The following USP35 variants were observed in gnomAD, a reference collection of about 807,000 sequenced individuals.
USP35 encodes the protein ubiquitin specific peptidase 35, also known as ubiquitin carboxyl-terminal hydrolase 35.
USP35 carries 69 observed loss-of-function variants against 83.8 expected under a neutral mutation model. The observed-to-expected ratio is 0.82, with a 90% CI of 0.68 to 1.01. The LOEUF (loss-of-function observed/expected upper bound fraction) is 1.01, where lower values mean the gene tolerates loss of function less well. Ranked by LOEUF, USP35 falls within the 50% of genes least tolerant of loss-of-function variation. The pLI is 0.00. For missense variants in USP35, 1,503 were observed against 1,362.5 expected, an observed-to-expected ratio of 1.10 and a Z score of -1.62; for synonymous variants, 714 against 589.5, an observed-to-expected ratio of 1.21 and a Z score of -3.06.
At chr11:78,231,372 G>GTGTGTGTGT in the USP35 span, among the ~76,000 whole-genome samples, 1 of 84,572 alleles carries the variant, frequency 1.2e-5, no homozygotes, top group Non-Finnish European at 2.8e-5. Context: ...TGTGTGTGTC[G>GTGTGTGTGT]GAGTCTCATT....
At chr11:78,227,136 A>G in the USP35 span, 1 of 930,670 alleles carries the variant, frequency 1.1e-6, no homozygotes, top group Non-Finnish European at 1.7e-6. Context: ...CTCTTTCTAT[A>G]CTTTGGTTTA....
At chr11:78,227,973 G>A in the USP35 span, among the ~76,000 whole-genome samples, 1 of 152,260 alleles carries the variant, frequency 6.6e-6, no homozygotes, top group South Asian at 2.1e-4. Flanking sequence ...ACTATATATA[G>A]AAAAAGTTTT....
chr11:78,218,872 C>T (rs954292223), downstream of USP35: 10 of 167,108 alleles, frequency 6.0e-5, no homozygotes, highest in South Asian at 3.8e-4. Flanking sequence ...GCCCAGTGGC[C>T]GGAGGGAAGA....
At position 78,214,446 on chromosome 11, in the gene USP35, G is replaced by C. The variant is rs1293192948; in HGVS notation, c.*633G>C. ...TTGCCCCCACAGCCCCTCCACGCCT[G>C]CCTCAGGGCCTGAGAAGCCACCACT... is the stretch of plus-strand genomic sequence containing the variant. On this transcript the variant is annotated 3_prime_UTR_variant, in exon 11 of 11. Coordinates refer to ENST00000529308, the MANE Select transcript of USP35 (RefSeq NM_020798.4). 7.1e-6 allele frequency: 1 copy of C among 140,504 alleles called. No homozygotes were observed. Among genetic ancestry groups the C allele is most frequent in the East Asian group, 2.0e-4 (1 of 5,094 alleles). 8.7% of individuals were successfully genotyped at this position (140,504 alleles called of 1,614,324 possible). A position where few individuals can be genotyped will look rare whatever the true frequency, so the allele number is the denominator to read the frequency against.
downstream of USP35, chr11:78,216,877 C>T (rs2134442712): frequency 6.6e-6 from 1 of 152,378 alleles, no homozygotes; most frequent in Non-Finnish European, 1.5e-5. Context: ...AACCAGCACC[C>T]TGCCAACTCT....
At chr11:78,192,523 G>A (rs1045436686) in intron 1 of USP35, among the ~76,000 whole-genome samples, 91 of 152,324 alleles carry the variant, frequency 6.0e-4, no homozygotes, top group African/African-American at 2.0e-3. Flanking sequence ...GCAAGATATT[G>A]AGTGGGTTTG....
At chr11:78,232,630 T>G in the USP35 span, among the ~76,000 whole-genome samples, 1 of 152,224 alleles carries the variant, frequency 6.6e-6, no homozygotes, top group Non-Finnish European at 1.5e-5. Flanking sequence ...ATCTAGTACT[T>G]GAAGGAAGAC....
At position 78,207,605 on chromosome 11, in the gene USP35, C is replaced by T; in HGVS notation, c.1467C>T (p.Gly489=). 2 of 1,614,034 alleles carry T rather than the reference C, an allele frequency of 1.2e-6. No homozygotes were observed. Among genetic ancestry groups the T allele is most frequent in the Non-Finnish European group, 1.7e-6 (2 of 1,179,998 alleles). Residue 489 remains glycine, a synonymous_variant, in exon 8 of 11, where the codon GGC becomes GGT. Coordinates refer to ENST00000529308, the MANE Select transcript of USP35 (RefSeq NM_020798.4). ...PLMTKLQWLF[G]FLEHSQRPAI... ...TGACCAAGCTGCAGTGGCTCTTTGG[C>T]TTCCTAGAACACAGCCAGGTGAGTG...
rs1346897681 is a variant in USP35 at position 78,207,681 on chromosome 11, T to C, written c.1485+58T>C. 3 of 1,538,010 alleles carry C rather than the reference T, an allele frequency of 2.0e-6. No individual in the cohort carries two copies. The East Asian group carries it at 6.8e-5, about 35-fold the overall frequency. Reference sequence around the variant, plus strand: ...AGGCAGCTCTGGTCAGGCCCCGACATGGACACCTTTCCCTTCCCCAGGACC... The same window carrying C: ...AGGCAGCTCTGGTCAGGCCCCGACACGGACACCTTTCCCTTCCCCAGGACC... On this transcript the variant is annotated intron_variant, in intron 8 of 10. Transcript: ENST00000529308.
chr11:78,211,797 G>GT (rs975379450), intron 10 of USP35, among the ~76,000 whole-genome samples: 1 of 152,050 alleles, frequency 6.6e-6, no homozygotes, highest in Non-Finnish European at 1.5e-5. Context: ...TAATGGGGTT[G>GT]TTTTTTTCTT....
At position 78,210,215 on chromosome 11, in the gene USP35, C is replaced by T. The variant is rs778404994; in HGVS notation, c.2360C>T (p.Ser787Phe). The T allele has an allele frequency of 5.0e-6, 8 of 1,614,094 alleles. No individual in the cohort carries two copies. The highest frequency in any genetic ancestry group is 5.1e-6 in the Non-Finnish European group (6 of 1,180,022). The part of the protein sequence containing the change: ...ENRYYCESCA[S>F]LQDAEKVVEL... ...CGCTACTACTGCGAGTCGTGTGCCT[C>T]CCTGCAGGATGCCGAGAAGGTGGTG... is the stretch of plus-strand genomic sequence containing the variant. Residue 787 changes from serine (S) to phenylalanine (F), a missense_variant, in exon 10 of 11, where the codon TCC becomes TTC. Coordinates refer to ENST00000529308, the MANE Select transcript of USP35 (RefSeq NM_020798.4).
Position 78,196,238 on chromosome 11 carries a change from C to T in USP35, c.-8C>T, listed in dbSNP as rs977068379. 2.5e-6 allele frequency: 4 copies of T among 1,587,520 alleles called. No homozygotes were observed. Among genetic ancestry groups the T allele is most frequent in the South Asian group, 1.1e-5 (1 of 90,578 alleles). ...ACCTCATTCCCTGTCCTCCGCAGCG[C>T]GGGCGCCATGGACAAGATCTTGGAG... On this transcript the variant is annotated splice_region_variant and 5_prime_UTR_variant, in exon 2 of 11. Transcript: ENST00000529308. The surrounding 1 kb of genome is among the most constrained non-coding windows in gnomAD (Gnocchi z 4.8).
chr11:78,196,965 GT>G lies in USP35; in HGVS notation c.673+48del, dbSNP rs1350693274. The G allele has an allele frequency of 1.4e-6, 2 of 1,427,082 alleles. No homozygotes were observed. Among genetic ancestry groups the G allele is most frequent in the African/African-American group, 3.0e-5 (2 of 67,380 alleles). 88.4% of individuals were successfully genotyped at this position (1,427,082 alleles called of 1,614,324 possible). A position where few individuals can be genotyped will look rare whatever the true frequency, so the allele number is the denominator to read the frequency against. The stretch of plus-strand genomic sequence containing the variant: ...GAGCGCGGGCATGCGGAGGTCCTGG[GT>G]GGGCGCTTGGGTAGGTGGCTGTACG... On this transcript the variant is annotated intron_variant, in intron 2 of 10. Coordinates refer to ENST00000529308, the MANE Select transcript of USP35 (RefSeq NM_020798.4). This position sits in a 1 kb window ranked among gnomAD's most constrained non-coding sequence, Gnocchi z 4.8.
At chr11:78,195,308 G>A (rs1863111546) in intron 1 of USP35, among the ~76,000 whole-genome samples, 2 of 152,194 alleles carry the variant, frequency 1.3e-5, no homozygotes, top group South Asian at 4.1e-4. Flanking sequence ...TGAAGGAAAA[G>A]ACGCTTGCTT....
chr11:78,206,106 A>G (rs1292809983), intron 7 of USP35, 71 bp downstream of exon 7: 2 of 1,290,246 alleles, frequency 1.6e-6, no homozygotes, highest in African/African-American at 3.0e-5. Context: ...ACAGGTGGAA[A>G]GGTGTCCGGG....
At chr11:78,228,634 C>A in the USP35 span, among the ~76,000 whole-genome samples, 12 of 152,162 alleles carry the variant, frequency 7.9e-5, no homozygotes, top group Admixed American at 7.2e-4. Context: ...GCCAGGCTTC[C>A]TCTCATGTAA....
intron 1 of USP35, among the ~76,000 whole-genome samples, chr11:78,193,997 G>A (rs1167682072): frequency 6.6e-6 from 1 of 152,216 alleles, no homozygotes; most frequent in Non-Finnish European, 1.5e-5. Context: ...CTCCCAAAGT[G>A]TTGGGACTAC....
intron 1 of USP35, among the ~76,000 whole-genome samples, chr11:78,193,704 A>C (rs1354558710): frequency 1.3e-5 from 2 of 152,150 alleles, no homozygotes; most frequent in African/African-American, 4.8e-5. Flanking sequence ...CTTTATGGGA[A>C]CCAGAATGTA....
In USP35 at chr11:78,200,746, T is replaced by G. The variant is rs1419376089; in HGVS notation, c.1135T>G (p.Cys379Gly). ...GGAGCAGCTGGCGGAGCTGGTCCAC[T>G]GCATGGTGTTCCGGTTCCCGGGCTT... is the stretch of plus-strand genomic sequence containing the variant. ...CLEQLAELVH[C>G]MVFRFPGFPD... The change falls in exon 6 of 11, where the codon TGC becomes GGC. Residue 379 changes from cysteine to glycine, a missense_variant. Cys to Gly is a radical substitution (Grantham distance 159, BLOSUM62 -3). Coordinates refer to ENST00000529308, the MANE Select transcript of USP35 (RefSeq NM_020798.4). 1.2e-6 allele frequency: 2 copies of G among 1,614,140 alleles called. No individual in the cohort carries two copies. The highest frequency in any genetic ancestry group is 1.1e-5 in the South Asian group (1 of 91,078).
Sources: gnomAD v4.1 joint callset for allele counts (sites outside exome capture counted in the v4.1 genomes callset) on GRCh38, gnomAD v4.1.1 for gene constraint, Gnocchi (gnomAD v3.1) non-coding constraint, MANE v1.5 for transcripts, NCBI Gene and HGNC (gene_info 2026-07-23, HGNC 2026-07-21) for gene names.